NRXN3: variants seen among roughly 807,000 people sequenced by gnomAD.
NRXN3 encodes neurexin 3.
In NRXN3, 32 loss-of-function variants were observed where a neutral mutation model predicts 137.6. The ratio of observed to expected loss-of-function variants is 0.23; its 90% CI spans 0.18 to 0.31. The LOEUF is 0.31. Among genes scored for constraint, NRXN3 ranks in the 10% least tolerant of loss-of-function variants. The pLI, the probability that NRXN3 is intolerant of heterozygous loss-of-function variation, is 1.00. For synonymous variants in NRXN3, 798 were observed against 784.5 expected (o/e 1.02, Z -0.29); for missense variants, 1,574 against 2,062.5 (o/e 0.76, Z 4.59).
At chr14:78,947,692 C>G (rs2099369050) in intron 10 of NRXN3, among the ~76,000 whole-genome samples, 1 of 152,170 alleles carries the variant, frequency 6.6e-6, no homozygotes, top group Non-Finnish European at 1.5e-5. Flanking sequence ...CTCACAACCC[C>G]AGGAGTCTGG....
chr14:79,638,181 G>T (rs934700654), intron 16 of NRXN3, among the ~76,000 whole-genome samples: 2 of 152,088 alleles, frequency 1.3e-5, no homozygotes, highest in East Asian at 1.9e-4. Context: ...TTTATAACAT[G>T]CTGTAAGTCT....
chr14:78,352,092 GAAAA>G (rs10545820), intron 4 of NRXN3, among the ~76,000 whole-genome samples: 6 of 144,710 alleles, frequency 4.1e-5, no homozygotes, highest in Non-Finnish European at 6.1e-5. Flanking sequence ...TGTCTTAAAA[GAAAA>G]AAAAAAAAAA....
intron 2 of NRXN3, among the ~76,000 whole-genome samples, chr14:78,260,996 C>T (rs1311934146): frequency 9.9e-5 from 15 of 152,170 alleles, no homozygotes; most frequent in Admixed American, 5.2e-4. Context: ...TTCTCCCAAT[C>T]GCTTCCACCC....
intron 17 of NRXN3, among the ~76,000 whole-genome samples, chr14:79,676,440 G>T (rs1380417396): frequency 6.6e-6 from 1 of 151,834 alleles, no homozygotes; most frequent in Non-Finnish European, 1.5e-5. Context: ...CAAAAAGTGA[G>T]ATTGTATAGT....
intron 4 of NRXN3, among the ~76,000 whole-genome samples, chr14:78,520,283 G>T (rs2096267707): frequency 6.6e-6 from 1 of 152,160 alleles, no homozygotes; most frequent in Non-Finnish European, 1.5e-5. Flanking sequence ...TAATTAATGG[G>T]TAGAAACAGA....
chr14:78,764,275 T>C (rs987698223), intron 8 of NRXN3, among the ~76,000 whole-genome samples: 5 of 152,204 alleles, frequency 3.3e-5, no homozygotes, highest in African/African-American at 1.2e-4. Context: ...CGGTTGCATG[T>C]TGCCGGCAGA....
At chr14:79,326,374 C>T (rs2090871781) in intron 15 of NRXN3, among the ~76,000 whole-genome samples, 2 of 152,088 alleles carry the variant, frequency 1.3e-5, no homozygotes, top group African/African-American at 4.8e-5. Context: ...CCCATGACAA[C>T]AGTATGAGGG....
chr14:78,631,827 C>T (rs768183338), intron 4 of NRXN3, among the ~76,000 whole-genome samples: 3 of 152,084 alleles, frequency 2.0e-5, no homozygotes, highest in Non-Finnish European at 4.4e-5. Flanking sequence ...ATGTATCAGG[C>T]TCATGCCTGT....
At chr14:79,412,616 A>AAC (rs946109259) in intron 15 of NRXN3, among the ~76,000 whole-genome samples, 11 of 129,288 alleles carry the variant, frequency 8.5e-5, no homozygotes, top group Admixed American at 7.9e-4. Flanking sequence ...CCATCTACTA[A>AAC]AAAAAAAATA....
chr14:79,598,965 C>A (rs536361330), intron 16 of NRXN3, among the ~76,000 whole-genome samples: 6 of 152,296 alleles, frequency 3.9e-5, no homozygotes, highest in African/African-American at 1.4e-4. Context: ...TCAAAAAATT[C>A]TTTTAGTTAA....
chr14:78,677,428 A>G (rs113745015), intron 6 of NRXN3, among the ~76,000 whole-genome samples: 1 of 135,430 alleles, frequency 7.4e-6, no homozygotes, highest in African/African-American at 2.8e-5. Context: ...TGAAAATAGG[A>G]AAAAAAAAAA....
At position 78,828,571 on chromosome 14, in the gene NRXN3, A is replaced by G. The variant is rs141393931; in HGVS notation, c.2275+18227A>G. Among the ~76,000 whole-genome samples, 461 of 152,322 alleles carry G rather than the reference A, an allele frequency of 3.0e-3. 1 individual carries two copies. The highest frequency in any genetic ancestry group is 0.011 in the African/African-American group (446 of 41,576). Reference sequence around the variant, plus strand: ...GAGTTCCAATACAACTTTATTTACTAAAACAAGTGGTAGGACAGATTTTGC... The same window carrying G: ...GAGTTCCAATACAACTTTATTTACTGAAACAAGTGGTAGGACAGATTTTGC... On this transcript the variant is annotated intron_variant, in intron 10 of 20. Coordinates refer to ENST00000335750, the MANE Select transcript of NRXN3 (RefSeq NM_001330195.2).
chr14:79,325,698 C>T (rs115614662), intron 15 of NRXN3, among the ~76,000 whole-genome samples: 1,610 of 152,214 alleles, frequency 0.011, 31 homozygotes, highest in African/African-American at 0.037. Context: ...CTTTTCTTGT[C>T]AAGACTGCAG....
At chr14:78,456,929 C>CTCCCTTCCTCCCTTCCCT (rs1163162834) in intron 4 of NRXN3, among the ~76,000 whole-genome samples, 1 of 147,540 alleles carries the variant, frequency 6.8e-6, no homozygotes, top group African/African-American at 2.5e-5. Flanking sequence ...TCCTCTCTCC[C>CTCCCTTCCTCCCTTCCCT]TCCCTTCCTC....
At chr14:78,260,040 A>G (rs1482776763) in intron 2 of NRXN3, among the ~76,000 whole-genome samples, 2 of 152,196 alleles carry the variant, frequency 1.3e-5, no homozygotes. Flanking sequence ...AAACTCGGGA[A>G]TGTTATCAGA....
At chr14:79,062,549 G>A (rs2099675487) in intron 15 of NRXN3, among the ~76,000 whole-genome samples, 1 of 151,754 alleles carries the variant, frequency 6.6e-6, no homozygotes, top group Non-Finnish European at 1.5e-5. Flanking sequence ...AAAGCAGGGA[G>A]GGAGAGATCT....
intron 10 of NRXN3, among the ~76,000 whole-genome samples, chr14:78,955,305 A>G (rs764574109): frequency 3.3e-5 from 5 of 152,202 alleles, no homozygotes; most frequent in African/African-American, 4.8e-5. Context: ...TTTTCTTTCA[A>G]TGCCCTCACT....
chr14:79,191,091 G>A lies in NRXN3; in HGVS notation c.3262+202950G>A, dbSNP rs572968244. Among the ~76,000 whole-genome samples, 44 of 152,268 alleles carry A rather than the reference G, an allele frequency of 2.9e-4. No homozygotes were observed. In the South Asian group the frequency reaches 6.4e-3, roughly 22 times the overall value. On this transcript the variant is annotated intron_variant, in intron 15 of 20. Coordinates refer to ENST00000335750, the MANE Select transcript of NRXN3 (RefSeq NM_001330195.2). Reference sequence around the variant, plus strand: ...CCCCCAGGAGAAAATACTCTTTTGCGGTCTTTGGATGAAGGCCTGAGTATC... The same window carrying A: ...CCCCCAGGAGAAAATACTCTTTTGCAGTCTTTGGATGAAGGCCTGAGTATC...
At chr14:78,229,814 G>C (rs2065142650) in intron 1 of NRXN3, among the ~76,000 whole-genome samples, 1 of 152,076 alleles carries the variant, frequency 6.6e-6, no homozygotes, top group African/African-American at 2.4e-5. Flanking sequence ...ACATGTTTAT[G>C]TCTTCCTACA....
Sources: allele counts gnomAD v4.1 joint callset (sites outside exome capture counted in the v4.1 genomes callset), GRCh38; gene constraint gnomAD v4.1.1; transcripts MANE v1.5; gene names NCBI Gene and HGNC (gene_info 2026-07-23, HGNC 2026-07-21).